The following RABGAP1L variants were observed in gnomAD, a reference collection of about 807,000 sequenced individuals.
The protein encoded by RABGAP1L is rab GTPase-activating protein 1-like.
Under a neutral mutation model 137.7 loss-of-function variants are expected in RABGAP1L, and 63 were observed. The ratio of observed to expected loss-of-function variants is 0.46; its 90% CI spans 0.37 to 0.56. The LOEUF (loss-of-function observed/expected upper bound fraction) is 0.56, where lower values mean the gene tolerates loss of function less well. RABGAP1L is among the 20% of genes least tolerant of loss of function. The probability of loss-of-function intolerance (pLI) is 0.00; values close to 1 mark genes in which losing one functional copy is unlikely to be tolerated. For missense variants in RABGAP1L, 1,095 were observed against 1,244.0 expected, an observed-to-expected ratio of 0.88 and a Z score of 1.80; for synonymous variants, 431 against 433.7, an observed-to-expected ratio of 0.99 and a Z score of 0.08.
intron 14 of RABGAP1L, among the ~76,000 whole-genome samples, chr1:174,649,090 G>C (rs553209729): frequency 6.6e-6 from 1 of 152,044 alleles, no homozygotes; most frequent in Non-Finnish European, 1.5e-5. Context: ...GAGCCTGTCT[G>C]TGTCTTTGCA....
chr1:174,506,052 A>G (rs1200956256), intron 13 of RABGAP1L, among the ~76,000 whole-genome samples: 1 of 152,252 alleles, frequency 6.6e-6, no homozygotes, highest in Non-Finnish European at 1.5e-5. Context: ...CAGAAAGTCA[A>G]ATACCACATG....
intron 7 of RABGAP1L, among the ~76,000 whole-genome samples, chr1:174,268,039 T>A (rs1186188478): frequency 4.6e-5 from 7 of 152,226 alleles, no homozygotes; most frequent in Admixed American, 1.3e-4. Context: ...TGCCCAATTA[T>A]CTTTTTGCTT....
intron 1 of RABGAP1L, among the ~76,000 whole-genome samples, chr1:174,190,718 C>T (rs1667154538): frequency 6.6e-6 from 1 of 152,194 alleles, no homozygotes; most frequent in African/African-American, 2.4e-5. Flanking sequence ...AGAACTTTAT[C>T]TTTGCATTCA....
At chr1:174,241,716 G>T in intron 5 of RABGAP1L, 59 bp downstream of exon 5, 2 of 1,338,774 alleles carry the variant, frequency 1.5e-6, no homozygotes, top group South Asian at 3.0e-5. Context: ...ATATTTTTGA[G>T]CTCTAATTTC....
intron 12 of RABGAP1L, among the ~76,000 whole-genome samples, chr1:174,392,486 G>A (rs1647275914): frequency 6.6e-6 from 1 of 152,130 alleles, no homozygotes; most frequent in Non-Finnish European, 1.5e-5. Flanking sequence ...TTTGCTTCAA[G>A]CCCATCAGTA....
chr1:174,483,860 A>G (rs1332154878), intron 13 of RABGAP1L, among the ~76,000 whole-genome samples: 2 of 152,154 alleles, frequency 1.3e-5, no homozygotes, highest in Non-Finnish European at 2.9e-5. Context: ...TAATGCTGCA[A>G]TAAACATTTG....
chr1:174,198,660 A>T (rs536571187), intron 1 of RABGAP1L, among the ~76,000 whole-genome samples: 2 of 152,386 alleles, frequency 1.3e-5, no homozygotes, highest in East Asian at 3.9e-4. Flanking sequence ...GATCAGCAGC[A>T]GCATGCATTG....
chr1:174,207,305 C>T (rs1188283673), intron 1 of RABGAP1L, among the ~76,000 whole-genome samples: 4 of 152,120 alleles, frequency 2.6e-5, no homozygotes, highest in Non-Finnish European at 5.9e-5. Flanking sequence ...GTCTGAAGTT[C>T]ACTAGAACAG....
At chr1:174,437,418 G>A (rs928897493) in intron 13 of RABGAP1L, among the ~76,000 whole-genome samples, 2 of 152,172 alleles carry the variant, frequency 1.3e-5, no homozygotes, top group Admixed American at 1.3e-4. Context: ...GCTATGTGAC[G>A]AATGCACGAG....
chr1:174,711,199 C>T (rs778994855), intron 17 of RABGAP1L, among the ~76,000 whole-genome samples: 30 of 152,134 alleles, frequency 2.0e-4, no homozygotes, highest in South Asian at 4.1e-4. Context: ...TGTACAGCCC[C>T]GGTTCCCACC....
intron 19 of RABGAP1L, chr1:174,946,031 T>G (rs1247558648): frequency 6.6e-6 from 1 of 150,772 alleles, no homozygotes; most frequent in African/African-American, 2.5e-5. Context: ...TCTCTCTCTC[T>G]CTCTCTTTTT....
intron 14 of RABGAP1L, among the ~76,000 whole-genome samples, chr1:174,643,501 C>T (rs1243109884): frequency 6.6e-6 from 1 of 152,140 alleles, no homozygotes; most frequent in African/African-American, 2.4e-5. Flanking sequence ...GCATATTCTC[C>T]AAGCAAATTA....
intron 7 of RABGAP1L, among the ~76,000 whole-genome samples, chr1:174,265,653 A>G (rs746021022): frequency 4.0e-5 from 6 of 151,694 alleles, no homozygotes; most frequent in Non-Finnish European, 8.8e-5. Context: ...CATTATTGCT[A>G]AGGATGGTAT....
intron 18 of RABGAP1L, among the ~76,000 whole-genome samples, chr1:174,763,837 CAAAAAAAAAA>C (rs570110788): frequency 1.2e-5 from 1 of 81,174 alleles, no homozygotes; most frequent in African/African-American, 4.8e-5. Flanking sequence ...GACTCCGTCT[CAAAAAAAAAA>C]AAAAAAAAAA....
intron 17 of RABGAP1L, 150 bp from the exon 18 acceptor site, chr1:174,752,163 T>TA: frequency 1.6e-6 from 1 of 613,720 alleles, no homozygotes; most frequent in Non-Finnish European, 2.8e-6. Flanking sequence ...GGAAAGAAAA[T>TA]ACCTTTAAAA....
chr1:174,576,161 A>G (rs1463700442), intron 13 of RABGAP1L, among the ~76,000 whole-genome samples: 1 of 152,226 alleles, frequency 6.6e-6, no homozygotes, highest in Non-Finnish European at 1.5e-5. Context: ...AACAATCCAT[A>G]GAAACAGGAT....
chr1:174,762,833 AAGAT>A lies in RABGAP1L; in HGVS notation c.2211+10484_2211+10487del, dbSNP rs1685339243. Among the ~76,000 whole-genome samples, 3 of 81,396 alleles carry A rather than the reference AAGAT, an allele frequency of 3.7e-5. No individual in the cohort carries two copies. In the Admixed American group the frequency reaches 4.0e-4, roughly 11 times the overall value. 53.4% of individuals were successfully genotyped at this position (81,396 alleles called of 152,430 possible). The stretch of plus-strand genomic sequence containing the variant: ...TTTTTTTTTTTTTTTTTTTTTTTTT[AAGAT>A]AGATTCTAGCTCTGTTGCTCAGGCT... On this transcript the variant is annotated intron_variant, in intron 18 of 25. Transcript: ENST00000681986.
rs759076358 is a variant in RABGAP1L at position 174,924,311 on chromosome 1, C to T, written c.2341-33146C>T. Among the ~76,000 whole-genome samples the T allele has an allele frequency of 8.2e-4, 113 of 137,368 alleles. 1 individual carries two copies. The highest frequency in any genetic ancestry group is 1.3e-3 in the Non-Finnish European group (85 of 66,010). The allele number at this position is 137,368 out of a possible 152,430, so 90.1% of individuals were successfully genotyped here. On this transcript the variant is annotated intron_variant, in intron 19 of 25. Transcript: ENST00000681986. ...CTGAGGCAGGAGAATCTCTTGAACC[C>T]GGGAGGCAGAGGTTGAAGTGAGCCG...
At chr1:174,538,028 A>C (rs1665029312) in intron 13 of RABGAP1L, among the ~76,000 whole-genome samples, 1 of 151,634 alleles carries the variant, frequency 6.6e-6, no homozygotes, top group African/African-American at 2.4e-5. Context: ...CAAATTCAGA[A>C]CTCCTTAGCT....
Sources: gnomAD v4.1 joint callset for allele counts (sites outside exome capture counted in the v4.1 genomes callset) on GRCh38, gnomAD v4.1.1 for gene constraint, MANE v1.5 for transcripts, NCBI Gene and HGNC (gene_info 2026-07-23, HGNC 2026-07-21) for gene names.